Variants in C16orf96 observed in about 807,000 individuals in gnomAD.
C16orf96 encodes uncharacterized protein C16orf96.
In C16orf96, 108 loss-of-function variants were observed where a neutral mutation model predicts 103.6. The observed-to-expected ratio is 1.04, with a 90% CI of 0.89 to 1.22. C16orf96 has a LOEUF of 1.22. Among genes scored for constraint, C16orf96 ranks in the 50% most tolerant of loss-of-function variants. The probability of loss-of-function intolerance (pLI) is 0.00; values close to 1 mark genes in which losing one functional copy is unlikely to be tolerated. For missense variants in C16orf96, 1,586 were observed against 1,464.2 expected (o/e 1.08, Z -1.36); for synonymous variants, 566 against 593.5 (o/e 0.95, Z 0.67).
chr16:4,546,540 C>T, the C16orf96 span, among the ~76,000 whole-genome samples: 1 of 150,202 alleles, frequency 6.7e-6, no homozygotes, highest in South Asian at 2.1e-4. Context: ...TCATGGCTCA[C>T]TGCAGCCTCG....
At chr16:4,587,931 C>A (rs1293641583) in intron 8 of C16orf96, among the ~76,000 whole-genome samples, 1 of 152,076 alleles carries the variant, frequency 6.6e-6, no homozygotes, top group African/African-American at 2.4e-5. Context: ...GAACAAGATC[C>A]TGTCTCAAAA....
chr16:4,576,093 A>T lies in C16orf96; in HGVS notation c.1613A>T (p.Asp538Val), dbSNP rs921685974. 1.9e-6 allele frequency: 3 copies of T among 1,550,118 alleles called. No homozygotes were observed. Among genetic ancestry groups the T allele is most frequent in the Admixed American group, 2.0e-5 (1 of 50,882 alleles). Reference sequence around the variant, plus strand: ...AAAGATAGAGGTGGCAAAGATGGGGACCCCAAGGATAGAGTTGGCAAGGAT... The same window carrying T: ...AAAGATAGAGGTGGCAAAGATGGGGTCCCCAAGGATAGAGTTGGCAAGGAT... ...VPKDRGGKDG[D>V]PKDRVGKDGA... Residue 538 changes from aspartate (D) to valine (V), a missense_variant, in exon 5 of 16, where the codon GAC becomes GTC. Asp to Val is a radical substitution (Grantham distance 152). Transcript: ENST00000444310.
upstream of C16orf96, among the ~76,000 whole-genome samples, chr16:4,555,698 CTTTTT>C (rs1166481480): frequency 1.6e-5 from 2 of 127,248 alleles, no homozygotes; most frequent in African/African-American, 2.9e-5. Flanking sequence ...CTTTTCTTTT[CTTTTT>C]TTTTTTTTTT....
the C16orf96 span, among the ~76,000 whole-genome samples, chr16:4,548,676 C>T: frequency 5.3e-5 from 8 of 152,190 alleles, no homozygotes; most frequent in East Asian, 1.5e-3. Flanking sequence ...AGTTTGAGAC[C>T]AGCCTGGCCA....
chr16:4,547,886 T>C, the C16orf96 span, among the ~76,000 whole-genome samples: 1 of 146,010 alleles, frequency 6.8e-6, no homozygotes, highest in South Asian at 2.4e-4. Context: ...TCAGTCCTCC[T>C]TCCTCAGCTT....
At chr16:4,539,153 C>G in the C16orf96 span, among the ~76,000 whole-genome samples, 2 of 152,198 alleles carry the variant, frequency 1.3e-5, no homozygotes, top group African/African-American at 4.8e-5. Flanking sequence ...GCAAAAATTA[C>G]AACAGAAAAT....
intron 1 of C16orf96, among the ~76,000 whole-genome samples, chr16:4,566,242 G>C (rs2059384317): frequency 6.6e-6 from 1 of 152,160 alleles, no homozygotes; most frequent in South Asian, 2.1e-4. Flanking sequence ...CTATAATCTT[G>C]TGAGGAACTG....
At chr16:4,576,732 A>G (rs1423239680) in intron 5 of C16orf96, 97 bp downstream of exon 5, 1 of 1,185,606 alleles carries the variant, frequency 8.4e-7, no homozygotes. Context: ...CTCCACCAAC[A>G]AAATCTGCAT....
intron 7 of C16orf96, among the ~76,000 whole-genome samples, chr16:4,584,276 C>G (rs1347112800): frequency 2.5e-5 from 2 of 80,056 alleles, no homozygotes; most frequent in African/African-American, 5.6e-5. Flanking sequence ...CAGCCTTGAA[C>G]TCCCAGGCTC....
intron 3 of C16orf96, 40 bp downstream of exon 3, chr16:4,574,829 G>A: frequency 1.0e-5 from 16 of 1,545,552 alleles, no homozygotes; most frequent in South Asian, 2.4e-5. Context: ...CTCCCCCTGG[G>A]ACCCCCCAAC....
At chr16:4,551,631 T>C (rs1224584185), upstream of C16orf96, among the ~76,000 whole-genome samples, 4 of 137,876 alleles carry the variant, frequency 2.9e-5, no homozygotes, top group Admixed American at 3.1e-4. Context: ...TTTTGTATTT[T>C]TTTAGTAGAG....
At chr16:4,540,813 T>C in the C16orf96 span, among the ~76,000 whole-genome samples, 1 of 151,712 alleles carries the variant, frequency 6.6e-6, no homozygotes, top group South Asian at 2.1e-4. Context: ...AGTGGCATGA[T>C]CATAGCTCAC....
chr16:4,600,489 G>GCGC lies in C16orf96; in HGVS notation c.*173_*174insGCC. 2 of 343,654 alleles carry GCGC rather than the reference G, an allele frequency of 5.8e-6. No homozygotes were observed. The highest frequency in any genetic ancestry group is 4.9e-5 in the South Asian group (2 of 40,920). The allele number at this position is 343,654 out of a possible 1,614,324, so 21.3% of individuals were successfully genotyped here. On this transcript the variant is annotated 3_prime_UTR_variant, in exon 16 of 16. Transcript: ENST00000444310. Reference sequence around the variant, plus strand: ...CCATGTCCGAGGCTGAGGCTCATGCGCCCCCCCCCATCCCTACCAAGTCCC... The same window carrying GCGC: ...CCATGTCCGAGGCTGAGGCTCATGCGCGCCCCCCCCCCATCCCTACCAAGTCCC...
intron 2 of C16orf96, among the ~76,000 whole-genome samples, chr16:4,572,525 T>C (rs549186273): frequency 9.4e-4 from 142 of 150,792 alleles, no homozygotes; most frequent in African/African-American, 3.4e-3. Context: ...ATGGTCTCAA[T>C]CTCCTGACCT....
chr16:4,574,904 C>T, intron 3 of C16orf96, 68 bp from the exon 4 acceptor site: 1 of 1,528,538 alleles, frequency 6.5e-7, no homozygotes. Context: ...GGAAAGGTTT[C>T]TTTGCAGGTG....
At chr16:4,567,675 A>G (rs190479818) in intron 1 of C16orf96, among the ~76,000 whole-genome samples, 160 of 142,116 alleles carry the variant, frequency 1.1e-3, no homozygotes, top group African/African-American at 4.1e-3. Flanking sequence ...TGAATTTTCA[A>G]TAGTTTCTTC....
chr16:4,573,569 G>A (rs1053625958), intron 2 of C16orf96, among the ~76,000 whole-genome samples: 1 of 151,192 alleles, frequency 6.6e-6, no homozygotes, highest in African/African-American at 2.4e-5. Context: ...TCGCTAACAC[G>A]GTGAAACCCC....
chr16:4,595,462 C>T (rs547521624), intron 14 of C16orf96, among the ~76,000 whole-genome samples: 4 of 152,314 alleles, frequency 2.6e-5, no homozygotes, highest in African/African-American at 7.2e-5. Flanking sequence ...TGCTGAGGCC[C>T]GGCTCTGGCC....
At chr16:4,563,214 G>T in intron 1 of C16orf96, 1 of 589,274 alleles carries the variant, frequency 1.7e-6, no homozygotes, top group Non-Finnish European at 3.2e-6. Context: ...GGCTCTAGCA[G>T]TGGAACACCC....
Sources: allele counts gnomAD v4.1 joint callset (sites outside exome capture counted in the v4.1 genomes callset), GRCh38; gene constraint gnomAD v4.1.1; transcripts MANE v1.5; gene names NCBI Gene and HGNC (gene_info 2026-07-23, HGNC 2026-07-21).